The following BRPF3 variants were observed in gnomAD, a reference collection of about 807,000 sequenced individuals.
BRPF3 encodes the protein bromodomain and PHD finger containing 3.
Under a neutral mutation model 102.0 loss-of-function variants are expected in BRPF3, and 18 were observed. That is an observed-to-expected ratio of 0.18 (90% confidence interval 0.12 to 0.26). BRPF3 has a LOEUF of 0.26. BRPF3 is among the 10% of genes least tolerant of loss of function. BRPF3 has a pLI of 1.00. For synonymous variants in BRPF3, 570 were observed against 614.2 expected (o/e 0.93, Z 1.06); for missense variants, 1,147 against 1,567.8 (o/e 0.73, Z 4.53).
intron 8 of BRPF3, among the ~76,000 whole-genome samples, chr6:36,215,699 G>A (rs1464927055): frequency 2.0e-5 from 3 of 152,182 alleles, no homozygotes; most frequent in African/African-American, 7.2e-5. Context: ...CTCAGGCCTG[G>A]GTGTGTGGGA....
At chr6:36,199,330 G>C (rs888377156) in intron 1 of BRPF3, among the ~76,000 whole-genome samples, 8 of 152,228 alleles carry the variant, frequency 5.3e-5, no homozygotes, top group Non-Finnish European at 7.3e-5. Flanking sequence ...ATCTGAGGTG[G>C]AACAGTGTTC....
At position 36,200,261 on chromosome 6, in the gene BRPF3, C is replaced by A; in HGVS notation, c.-26-36C>A. The A allele has an allele frequency of 6.5e-7, 1 of 1,531,946 alleles. No individual in the cohort carries two copies. The highest frequency in any genetic ancestry group is 2.1e-5 in the Admixed American group (1 of 48,542). 94.9% of individuals were successfully genotyped at this position (1,531,946 alleles called of 1,614,324 possible). A position where few individuals can be genotyped will look rare whatever the true frequency, so the allele number is the denominator to read the frequency against. ...GGGAGGATGAATGGGTGCATAAGGG[C>A]ATCCAACTCATAGTCTCCTGGCCTT... is the stretch of plus-strand genomic sequence containing the variant. On this transcript the variant is annotated intron_variant, in intron 1 of 12. Transcript: ENST00000357641. The surrounding 1 kb of genome is among the most constrained non-coding windows in gnomAD (Gnocchi z 5.3).
At chr6:36,217,804 T>G in intron 8 of BRPF3, 113 bp from the exon 9 acceptor site, 1 of 734,816 alleles carries the variant, frequency 1.4e-6, no homozygotes, top group Middle Eastern at 3.9e-4. Flanking sequence ...GGGAAAGGAA[T>G]AGCCATCCTC....
intron 3 of BRPF3, among the ~76,000 whole-genome samples, chr6:36,205,050 G>T (rs546536467): frequency 6.6e-6 from 1 of 152,314 alleles, no homozygotes; most frequent in South Asian, 2.1e-4. Context: ...GAGAGCATGC[G>T]TAGCTTTCCA....
chr6:36,223,157 T>A (rs553418650), intron 10 of BRPF3, among the ~76,000 whole-genome samples: 25 of 152,138 alleles, frequency 1.6e-4, no homozygotes, highest in Non-Finnish European at 3.2e-4. Flanking sequence ...TATACAGGGG[T>A]GTGTGCTCCC....
chr6:36,203,134 T>TA (rs1184438790), intron 2 of BRPF3, among the ~76,000 whole-genome samples: 1 of 152,214 alleles, frequency 6.6e-6, no homozygotes, highest in Non-Finnish European at 1.5e-5. Context: ...TTGGTTGACA[T>TA]ATATGTTGTT....
At chr6:36,198,163 G>T (rs1349827457) in intron 1 of BRPF3, among the ~76,000 whole-genome samples, 1 of 152,184 alleles carries the variant, frequency 6.6e-6, no homozygotes, top group African/African-American at 2.4e-5. Flanking sequence ...GTTTCCTTTG[G>T]CTCCAAATGG....
At chr6:36,203,991 C>T (rs185323684) in intron 2 of BRPF3, among the ~76,000 whole-genome samples, 2 of 152,324 alleles carry the variant, frequency 1.3e-5, no homozygotes, top group East Asian at 3.9e-4. Context: ...TACCCCTTTT[C>T]CTCCCCCAAG....
intron 7 of BRPF3, 42 bp downstream of exon 7, chr6:36,211,602 G>C: frequency 2.6e-6 from 4 of 1,538,776 alleles, no homozygotes; most frequent in Non-Finnish European, 2.6e-6. Flanking sequence ...GGAGGGTAAA[G>C]AGGGACAAAG....
chr6:36,208,535 C>T (rs920020321), intron 4 of BRPF3, among the ~76,000 whole-genome samples: 8 of 152,182 alleles, frequency 5.3e-5, no homozygotes, highest in African/African-American at 1.7e-4. Flanking sequence ...AGTGGTCAGC[C>T]TTAGCACAAC....
chr6:36,197,655 A>C (rs1767550738), intron 1 of BRPF3: 3 of 147,036 alleles, frequency 2.0e-5, no homozygotes, highest in Non-Finnish European at 3.0e-5. Flanking sequence ...TGCCGAGGGG[A>C]AATCTGGGGG....
intron 9 of BRPF3, among the ~76,000 whole-genome samples, chr6:36,220,240 G>A (rs1768486507): frequency 6.6e-6 from 1 of 152,132 alleles, no homozygotes; most frequent in African/African-American, 2.4e-5. Flanking sequence ...ATCCTTCTCA[G>A]AGCTCATCAT....
intron 11 of BRPF3, among the ~76,000 whole-genome samples, chr6:36,226,068 C>T (rs1309427308): frequency 6.6e-6 from 1 of 152,164 alleles, no homozygotes; most frequent in Non-Finnish European, 1.5e-5. Flanking sequence ...ATGCATGTAC[C>T]ATATTTTAAC....
chr6:36,214,340 T>C lies in BRPF3; in HGVS notation c.2943T>C (p.Cys981=). Residue 981 remains cysteine (C), a synonymous_variant, in exon 8 of 13, where the codon TGT becomes TGC. Coordinates refer to ENST00000357641, the MANE Select transcript of BRPF3 (RefSeq NM_015695.3). ...GGAAGCGGCCAAGGAGCAGGAGCTG[T>C]AGTGAGAGCGAAGGGGAGAGGTCCC... ...HSRKRPRSRS[C]SESEGERSPQ... 1 of 1,611,060 alleles carries C rather than the reference T, an allele frequency of 6.2e-7. No homozygotes were observed. The highest frequency in any genetic ancestry group is 8.5e-7 in the Non-Finnish European group (1 of 1,178,868).
chr6:36,230,885 G>A lies in BRPF3; in HGVS notation c.*276G>A. 1 of 438,006 alleles carries A rather than the reference G, an allele frequency of 2.3e-6. No homozygotes were observed. Among genetic ancestry groups the A allele is most frequent in the Non-Finnish European group, 4.1e-6 (1 of 241,596 alleles). 27.1% of individuals were successfully genotyped at this position (438,006 alleles called of 1,614,324 possible). A position where few individuals can be genotyped will look rare whatever the true frequency, so the allele number is the denominator to read the frequency against. On this transcript the variant is annotated 3_prime_UTR_variant, in exon 13 of 13. Coordinates refer to ENST00000357641, the MANE Select transcript of BRPF3 (RefSeq NM_015695.3). This position sits in a 1 kb window ranked among gnomAD's most constrained non-coding sequence, Gnocchi z 5.4. ...AAGTAGAAACAGCTGTGGGGCTTGGGCCCAGCTTAGGAGATTGCCCAGATG... is the reference window on the plus strand; with the variant it reads ...AAGTAGAAACAGCTGTGGGGCTTGGACCCAGCTTAGGAGATTGCCCAGATG...
chr6:36,210,442 A>C lies in BRPF3; in HGVS notation c.2093A>C (p.Glu698Ala). The change falls in exon 6 of 13, where the codon GAG becomes GCG. Residue 698 changes from glutamate to alanine, a missense_variant. This residue lies in a region of BRPF3 where 109 missense variants were observed against 175.1 expected (regional missense o/e 0.62). Transcript: ENST00000357641. The surrounding 1 kb of genome is among the most constrained non-coding windows in gnomAD (Gnocchi z 4.7). ...AILRHARRQAENIGYDPERGT... is the reference protein window; with the variant it reads ...AILRHARRQAANIGYDPERGT... Reference sequence around the variant, plus strand: ...CTACGGCACGCCCGGCGGCAGGCAGAGAACATCGGCTATGACCCCGAGAGG... The same window carrying C: ...CTACGGCACGCCCGGCGGCAGGCAGCGAACATCGGCTATGACCCCGAGAGG... 6.2e-7 allele frequency: 1 copy of C among 1,611,996 alleles called. No homozygotes were observed. The highest frequency in any genetic ancestry group is 8.5e-7 in the Non-Finnish European group (1 of 1,180,018).
chr6:36,201,700 C>G lies in BRPF3; in HGVS notation c.1378C>G (p.Pro460Ala). ...MSLKQKIKKE[P>A]EEAGQDTPST... ...TTTGAAGCAGAAGATCAAGAAGGAG[C>G]CAGAGGAAGCAGGCCAAGACACACC... The change falls in exon 2 of 13, where the codon CCA becomes GCA. Residue 460 changes from proline (P) to alanine (A), a missense_variant. Pro to Ala is a conservative substitution (Grantham distance 27, BLOSUM62 -1). This residue lies in a region of BRPF3 where 157 missense variants were observed against 163.6 expected (regional missense o/e 0.96). Transcript: ENST00000357641. The surrounding 1 kb of genome is among the most constrained non-coding windows in gnomAD (Gnocchi z 5.1). The G allele has an allele frequency of 1.2e-6, 2 of 1,614,044 alleles. No individual in the cohort carries two copies. The highest frequency in any genetic ancestry group is 1.7e-6 in the Non-Finnish European group (2 of 1,179,954).
chr6:36,199,297 G>A (rs1353606406), intron 1 of BRPF3, among the ~76,000 whole-genome samples: 1 of 152,174 alleles, frequency 6.6e-6, no homozygotes, highest in Non-Finnish European at 1.5e-5. Flanking sequence ...TGCTCCTTAT[G>A]AGAATCTGAC....
chr6:36,209,689 G>A (rs886870065), intron 4 of BRPF3, 98 bp from the exon 5 acceptor site: 2 of 1,464,138 alleles, frequency 1.4e-6, no homozygotes, highest in African/African-American at 2.8e-5. Flanking sequence ...ATGAAAATTT[G>A]TTGTACAAGA....
Sources: gnomAD v4.1 joint callset for allele counts (sites outside exome capture counted in the v4.1 genomes callset) on GRCh38, gnomAD v4.1.1 for gene constraint, gnomAD v4.1.1 regional missense constraint, Gnocchi (gnomAD v3.1) non-coding constraint, MANE v1.5 for transcripts, NCBI Gene and HGNC (gene_info 2026-07-23, HGNC 2026-07-21) for gene names.